The following ENOSF1 variants were observed in gnomAD, a reference collection of about 807,000 sequenced individuals.
ENOSF1 encodes the protein enolase superfamily member 1.
In ENOSF1, 73 loss-of-function variants were observed where a neutral mutation model predicts 68.2. The observed-to-expected ratio is 1.07, with a 90% CI of 0.89 to 1.30. The LOEUF (loss-of-function observed/expected upper bound fraction) is 1.30. Among genes scored for constraint, ENOSF1 ranks in the 50% most tolerant of loss-of-function variants. ENOSF1 has a pLI of 0.00. For missense variants in ENOSF1, 589 were observed against 554.5 expected, an observed-to-expected ratio of 1.06 and a Z score of -0.62; for synonymous variants, 223 against 210.4, an observed-to-expected ratio of 1.06 and a Z score of -0.52.
chr18:696,166 A>T (rs375943620), intron 3 of ENOSF1, among the ~76,000 whole-genome samples: 2 of 149,200 alleles, frequency 1.3e-5, no homozygotes, highest in African/African-American at 5.0e-5. Context: ...CTCTTCTCTT[A>T]ATGTTTTCTC....
chr18:691,451 T>C (rs1028872553), intron 5 of ENOSF1, 175 bp from the exon 6 acceptor site: 7 of 575,938 alleles, frequency 1.2e-5, no homozygotes, highest in Non-Finnish European at 1.8e-5. Context: ...GCTTATGTGA[T>C]CCTCCTGCCT....
In ENOSF1 at chr18:691,087, T is replaced by C. The variant is rs185301866; in HGVS notation, c.516A>G (p.Gln172=). 6.2e-7 allele frequency: 1 copy of C among 1,614,206 alleles called. No individual in the cohort carries two copies. The highest frequency in any genetic ancestry group is 2.2e-5 in the East Asian group (1 of 44,880). ...EDALEILQKG[Q]IGKKEREKQM... ...ACCCACCTCTTTCTTTTTTACCAAT[T>C]TGACCTTTCTGCAGTATTTCTGGAA... The change falls in exon 7 of 16, where the codon CAA becomes CAG. Residue 172 remains glutamine (Q), a synonymous_variant. Coordinates refer to ENST00000647584, the MANE Select transcript of ENOSF1 (RefSeq NM_017512.7).
intron 12 of ENOSF1, 87 bp from the exon 13 acceptor site, chr18:677,959 C>T: frequency 6.8e-7 from 1 of 1,463,480 alleles, no homozygotes. Context: ...CCACTCTATG[C>T]CAATAATTAT....
intron 14 of ENOSF1, among the ~76,000 whole-genome samples, chr18:675,775 T>C (rs536928933): frequency 2.0e-5 from 3 of 152,208 alleles, no homozygotes; most frequent in Non-Finnish European, 4.4e-5. Context: ...AAGAAGCGTT[T>C]GTATTTTTTC....
intron 5 of ENOSF1, 95 bp from the exon 6 acceptor site, chr18:691,371 G>C (rs1448082839): frequency 3.9e-6 from 4 of 1,033,850 alleles, no homozygotes; most frequent in South Asian, 1.6e-5. Context: ...TTAGAGACAA[G>C]GTCTCACTCT....
At chr18:702,038 C>T (rs965596385) in intron 2 of ENOSF1, among the ~76,000 whole-genome samples, 2 of 151,356 alleles carry the variant, frequency 1.3e-5, no homozygotes, top group Non-Finnish European at 2.9e-5. Flanking sequence ...CTGAGGCAGG[C>T]GGATTGCTTG....
At chr18:694,216 G>GA in intron 4 of ENOSF1, 32 bp downstream of exon 4, 1 of 1,604,894 alleles carries the variant, frequency 6.2e-7, no homozygotes, top group South Asian at 1.1e-5. Flanking sequence ...ACAGCTCCCA[G>GA]GAGCCTCCTG....
At chr18:708,290 C>A (rs1247008116) in intron 1 of ENOSF1, among the ~76,000 whole-genome samples, 1 of 152,126 alleles carries the variant, frequency 6.6e-6, no homozygotes, top group African/African-American at 2.4e-5. Context: ...TGTGATGCAT[C>A]GCTGAGCATC....
chr18:693,127 C>G (rs1363574958), intron 5 of ENOSF1: 1 of 1,288,994 alleles, frequency 7.8e-7, no homozygotes, highest in East Asian at 5.5e-5. Context: ...AAGCTCATTC[C>G]CCTTTAATTT....
rs753251380 is a variant in ENOSF1, at chr18:712,579, G to T, written c.9C>A (p.Arg3=). 1 of 1,537,132 alleles carries T rather than the reference G, an allele frequency of 6.5e-7. No homozygotes were observed. The highest frequency in any genetic ancestry group is 8.7e-7 in the Non-Finnish European group (1 of 1,145,510). MV[R]GRISRLSVRD... ...GGACCGAGAGCCGGGAGATCCTGCC[G>T]CGCACCATGGCCCCTGCGCCCCGTG... Residue 3 remains arginine, a synonymous_variant, in exon 1 of 16, where the codon CGC becomes CGA. Transcript: ENST00000647584.
intron 5 of ENOSF1, chr18:692,746 C>G: frequency 1.0e-6 from 1 of 995,496 alleles, no homozygotes; most frequent in Non-Finnish European, 1.2e-6. Flanking sequence ...GTGGCTACCT[C>G]CTCCATCCCC....
intron 9 of ENOSF1, chr18:686,362 T>C: frequency 3.9e-6 from 1 of 254,720 alleles, no homozygotes; most frequent in South Asian, 6.4e-5. Context: ...TGAAAAGGGG[T>C]GCCGAGTAAG....
Position 712,583 on chromosome 18 carries a change from ACCATGGCCCCTGCGCC to A in ENOSF1, c.-12_4del, listed in dbSNP as rs1335300126. 6.8e-7 allele frequency: 1 copy of A among 1,477,536 alleles called. No individual in the cohort carries two copies. Among genetic ancestry groups the A allele is most frequent in the South Asian group, 1.2e-5 (1 of 83,176 alleles). The allele number at this position is 1,477,536 out of a possible 1,614,324, so 91.5% of individuals were successfully genotyped here. A position where few individuals can be genotyped will look rare whatever the true frequency, so the allele number is the denominator to read the frequency against. ...CGAGAGCCGGGAGATCCTGCCGCGC[ACCATGGCCCCTGCGCC>A]CCGTGGCCGCGGCCCCCGTGCGGTC... On this transcript the variant is annotated start_lost and 5_prime_UTR_variant, in exon 1 of 16. Coordinates refer to ENST00000647584, the MANE Select transcript of ENOSF1 (RefSeq NM_017512.7).
chr18:682,741 G>C (rs965312506), intron 11 of ENOSF1, among the ~76,000 whole-genome samples: 5 of 142,944 alleles, frequency 3.5e-5, no homozygotes, highest in South Asian at 2.2e-4. Context: ...AAAAAAGCCA[G>C]GCATGGTGGC....
intron 2 of ENOSF1, among the ~76,000 whole-genome samples, chr18:705,599 G>T (rs550506055): frequency 1.3e-5 from 2 of 152,086 alleles, no homozygotes. Flanking sequence ...ACGTATACAT[G>T]GCTCAGTATG....
chr18:678,695 C>A lies in ENOSF1; in HGVS notation c.918+1G>T. ...ATCCACCTGTTGGGGGCGTCACTCACCTGTTCTCCTGTGGCAATGCCAATT... is the reference window on the plus strand; with the variant it reads ...ATCCACCTGTTGGGGGCGTCACTCAACTGTTCTCCTGTGGCAATGCCAATT... On this transcript the variant is annotated splice_donor_variant, in intron 12 of 15. Coordinates refer to ENST00000647584, the MANE Select transcript of ENOSF1 (RefSeq NM_017512.7). LOFTEE classifies it high-confidence loss of function. The A allele has an allele frequency of 1.9e-6, 3 of 1,613,968 alleles. No individual in the cohort carries two copies. Among genetic ancestry groups the A allele is most frequent in the Non-Finnish European group, 2.5e-6 (3 of 1,180,014 alleles).
chr18:708,887 G>A (rs1450911662), intron 1 of ENOSF1, among the ~76,000 whole-genome samples: 1 of 152,190 alleles, frequency 6.6e-6, no homozygotes, highest in Non-Finnish European at 1.5e-5. Context: ...GGCTGAGAAG[G>A]AGACTCCAAG....
chr18:693,299 G>A, intron 5 of ENOSF1: 1 of 1,258,672 alleles, frequency 7.9e-7, no homozygotes, highest in African/African-American at 1.5e-5. Context: ...TATTCTTGGT[G>A]TCAAAGTGAC....
chr18:666,368 A>T (rs1287820534), downstream of ENOSF1, among the ~76,000 whole-genome samples: 1 of 152,088 alleles, frequency 6.6e-6, no homozygotes, highest in Non-Finnish European at 1.5e-5. Flanking sequence ...TGTGAAGCGC[A>T]GTGCCAGGGT....
Sources: allele counts gnomAD v4.1 joint callset (sites outside exome capture counted in the v4.1 genomes callset), GRCh38; gene constraint gnomAD v4.1.1; transcripts MANE v1.5; gene names NCBI Gene and HGNC (gene_info 2026-07-23, HGNC 2026-07-21).